The following PRKAG2 variants were observed in gnomAD, a reference collection of about 807,000 sequenced individuals.
PRKAG2 encodes 5'-AMP-activated protein kinase subunit gamma-2.
A neutral mutation model predicts 69.6 loss-of-function variants in PRKAG2; 26 were observed. The ratio of observed to expected loss-of-function variants is 0.37; its 90% CI spans 0.27 to 0.52. The LOEUF (loss-of-function observed/expected upper bound fraction) is 0.52. Ranked by LOEUF, PRKAG2 falls within the 20% of genes least tolerant of loss-of-function variation. The pLI, the probability that PRKAG2 is intolerant of heterozygous loss-of-function variation, is 0.90. For missense variants in PRKAG2, 557 were observed against 740.0 expected (o/e 0.75, Z 2.87); for synonymous variants, 293 against 285.0 (o/e 1.03, Z -0.28).
At chr7:151,637,815 G>A (rs899541127) in intron 4 of PRKAG2, among the ~76,000 whole-genome samples, 1 of 151,242 alleles carries the variant, frequency 6.6e-6, no homozygotes. Flanking sequence ...AGACGAATTT[G>A]TCAGCACACA....
Position 151,719,017 on chromosome 7 carries a change from T to C in PRKAG2, c.467-43380A>G, listed in dbSNP as rs932198473. Among the ~76,000 whole-genome samples the C allele has an allele frequency of 4.6e-5, 7 of 152,150 alleles. No homozygotes were observed. Among genetic ancestry groups the C allele is most frequent in the Admixed American group, 1.3e-4 (2 of 15,282 alleles). ...ATTCCTGTTCTCTCTGTGCTCAGAC[T>C]TTCCAACCCACCCACAAACATTCAT... On this transcript the variant is annotated intron_variant, in intron 3 of 15. Transcript: ENST00000287878. The surrounding 1 kb of genome is among the most constrained non-coding windows in gnomAD (Gnocchi z 5.2).
intron 3 of PRKAG2, among the ~76,000 whole-genome samples, chr7:151,755,148 G>C (rs954679924): frequency 1.3e-5 from 2 of 152,192 alleles, no homozygotes; most frequent in Admixed American, 6.5e-5. Context: ...TTGGGCGTAG[G>C]CCGGCTCTGG....
In PRKAG2 at chr7:151,632,167, G is replaced by A. The variant is rs1480596404; in HGVS notation, c.685-29C>T. 3 of 1,326,694 alleles carry A rather than the reference G, an allele frequency of 2.3e-6. No homozygotes were observed. Among genetic ancestry groups the A allele is most frequent in the African/African-American group, 1.5e-5 (1 of 65,754 alleles). 82.2% of individuals were successfully genotyped at this position (1,326,694 alleles called of 1,614,324 possible). A position where few individuals can be genotyped will look rare whatever the true frequency, so the allele number is the denominator to read the frequency against. On this transcript the variant is annotated intron_variant, in intron 4 of 15. Coordinates refer to ENST00000287878, the MANE Select transcript of PRKAG2 (RefSeq NM_016203.4). This position sits in a 1 kb window ranked among gnomAD's most constrained non-coding sequence, Gnocchi z 4.2. The stretch of plus-strand genomic sequence containing the variant: ...AGGGGGAGGAGGAGGACAGCGATCA[G>A]CATGAGCTGCGACGCTCGTCCCCGG...
chr7:151,711,768 G>T (rs893605858), intron 3 of PRKAG2, among the ~76,000 whole-genome samples: 15 of 152,214 alleles, frequency 9.9e-5, no homozygotes, highest in Non-Finnish European at 1.8e-4. Context: ...TAAACTACTT[G>T]TTAGGGTTAC....
chr7:151,871,779 C>T (rs1350411337), intron 1 of PRKAG2, among the ~76,000 whole-genome samples: 1 of 152,130 alleles, frequency 6.6e-6, no homozygotes, highest in Non-Finnish European at 1.5e-5. Context: ...ATCATCAGAG[C>T]CCGAGAGAGG....
chr7:151,824,825 C>T (rs1428981965), intron 1 of PRKAG2, among the ~76,000 whole-genome samples: 1 of 152,170 alleles, frequency 6.6e-6, no homozygotes, highest in Non-Finnish European at 1.5e-5. Context: ...GGAACTCAGC[C>T]GACACTCGTG....
intron 5 of PRKAG2, among the ~76,000 whole-genome samples, chr7:151,628,490 A>C (rs534141712): frequency 6.6e-6 from 1 of 152,328 alleles, no homozygotes; most frequent in Non-Finnish European, 1.5e-5. Context: ...CAGCCGGCAG[A>C]TCACTTGAGC....
At chr7:151,671,978 T>TTTTGG (rs1359679901) in intron 4 of PRKAG2, among the ~76,000 whole-genome samples, 2 of 152,198 alleles carry the variant, frequency 1.3e-5, no homozygotes, top group African/African-American at 2.4e-5. Flanking sequence ...TCATTCCTCT[T>TTTTGG]TTTGGTTTAT....
At chr7:151,597,643 A>G (rs1165601988) in intron 5 of PRKAG2, among the ~76,000 whole-genome samples, 3 of 152,234 alleles carry the variant, frequency 2.0e-5, no homozygotes, top group Non-Finnish European at 4.4e-5. Context: ...ACATTTCTCA[A>G]AGAAGACATA....
At chr7:151,818,684 A>C (rs938418867) in intron 1 of PRKAG2, among the ~76,000 whole-genome samples, 3 of 152,250 alleles carry the variant, frequency 2.0e-5, no homozygotes, top group Admixed American at 1.3e-4. Context: ...GCCAGAGGCC[A>C]GGGCAGCTGA....
intron 1 of PRKAG2, among the ~76,000 whole-genome samples, chr7:151,816,658 G>A (rs866223868): frequency 2.6e-5 from 4 of 152,334 alleles, no homozygotes; most frequent in African/African-American, 9.6e-5. Context: ...GCCATTTGGC[G>A]AAGATCGAAG....
chr7:151,766,823 G>A (rs185940811), intron 3 of PRKAG2, among the ~76,000 whole-genome samples: 54 of 152,304 alleles, frequency 3.5e-4, no homozygotes, highest in African/African-American at 1.2e-3. Context: ...CCGTACCTAC[G>A]GCCTGTGTTG....
rs535369590 is a variant in PRKAG2 at position 151,583,071 on chromosome 7, A to T, written c.865-6619T>A. Among the ~76,000 whole-genome samples the T allele has an allele frequency of 1.3e-5, 2 of 152,296 alleles. No homozygotes were observed. The highest frequency in any genetic ancestry group is 4.1e-4 in the South Asian group (2 of 4,826). The stretch of plus-strand genomic sequence containing the variant: ...GGTCTTACTCTGTTGCCCAGGCTCA[A>T]GTATAGTGGTATGATCACGGCTCAC... On this transcript the variant is annotated intron_variant, in intron 6 of 15. Transcript: ENST00000287878. The surrounding 1 kb of genome is among the most constrained non-coding windows in gnomAD (Gnocchi z 4.1).
intron 4 of PRKAG2, among the ~76,000 whole-genome samples, chr7:151,646,761 T>C (rs1469954653): frequency 6.6e-6 from 1 of 152,240 alleles, no homozygotes; most frequent in Admixed American, 6.5e-5. Flanking sequence ...GTACTATATG[T>C]TACACATATA....
intron 1 of PRKAG2, among the ~76,000 whole-genome samples, chr7:151,827,582 C>T (rs1256268281): frequency 6.6e-6 from 1 of 152,004 alleles, no homozygotes; most frequent in Non-Finnish European, 1.5e-5. Flanking sequence ...TTCTAACATG[C>T]AGCCAAAATA....
chr7:151,870,745 A>C (rs1057030065), intron 1 of PRKAG2, among the ~76,000 whole-genome samples: 2 of 152,182 alleles, frequency 1.3e-5, no homozygotes, highest in Non-Finnish European at 2.9e-5. Context: ...CCAGGCCATC[A>C]CCAGCTCGGA....
At chr7:151,584,791 G>A (rs896033189) in intron 6 of PRKAG2, among the ~76,000 whole-genome samples, 8 of 152,250 alleles carry the variant, frequency 5.3e-5, no homozygotes, top group African/African-American at 1.9e-4. Flanking sequence ...CAGCTACTTG[G>A]AAGGCTGTGG....
rs564978742 is a variant in PRKAG2, at chr7:151,560,708, T to C, written c.1585-91A>G. 2.2e-5 allele frequency: 33 copies of C among 1,493,662 alleles called. No individual in the cohort carries two copies. In the South Asian group the frequency reaches 3.0e-4, roughly 14 times the overall value. The allele number at this position is 1,493,662 out of a possible 1,614,324, so 92.5% of individuals were successfully genotyped here. A position where few individuals can be genotyped will look rare whatever the true frequency, so the allele number is the denominator to read the frequency against. The stretch of plus-strand genomic sequence containing the variant: ...AATAATGTCCTGTCATGTTTTTATA[T>C]GATCAACACATCCCTCCAGCCTGGG... On this transcript the variant is annotated intron_variant, in intron 14 of 15. Coordinates refer to ENST00000287878, the MANE Select transcript of PRKAG2 (RefSeq NM_016203.4).
chr7:151,848,504 C>T (rs2079489801), intron 1 of PRKAG2, among the ~76,000 whole-genome samples: 1 of 136,876 alleles, frequency 7.3e-6, no homozygotes, highest in Non-Finnish European at 1.5e-5. Context: ...GAAGAAAATA[C>T]TGCATGTCTT....
Sources: allele counts gnomAD v4.1 joint callset (sites outside exome capture counted in the v4.1 genomes callset), GRCh38; gene constraint gnomAD v4.1.1; non-coding constraint Gnocchi (gnomAD v3.1); transcripts MANE v1.5; gene names NCBI Gene and HGNC (gene_info 2026-07-23, HGNC 2026-07-21).